Variants in APBB2 observed in about 807,000 individuals in gnomAD.
APBB2 encodes Fe65-like 1.
A neutral mutation model predicts 82.5 loss-of-function variants in APBB2; 38 were observed. That is an observed-to-expected ratio of 0.46 (90% CI 0.36 to 0.60). APBB2 has a LOEUF of 0.60. Among genes scored for constraint, APBB2 ranks in the 20% least tolerant of loss-of-function variants. The pLI, the probability that APBB2 is intolerant of heterozygous loss-of-function variation, is 0.00. For synonymous variants in APBB2, 341 were observed against 368.2 expected (o/e 0.93, Z 0.85); for missense variants, 772 against 972.3 (o/e 0.79, Z 2.74).
intron 2 of APBB2, among the ~76,000 whole-genome samples, chr4:41,132,817 T>C (rs1756438076): frequency 6.6e-6 from 1 of 152,082 alleles, no homozygotes; most frequent in Non-Finnish European, 1.5e-5. Flanking sequence ...AAATGAACAT[T>C]AGAAAAAAAT....
intron 12 of APBB2, among the ~76,000 whole-genome samples, chr4:40,846,454 G>A (rs182741216): frequency 7.9e-5 from 12 of 151,796 alleles, no homozygotes; most frequent in South Asian, 4.2e-4. Context: ...TCTACATGCC[G>A]CAGGTGAAAG....
Position 40,811,826 on chromosome 4 carries a change from T to TA in APBB2, c.*4265dup, listed in dbSNP as rs1744479525. On this transcript the variant is annotated 3_prime_UTR_variant, in exon 18 of 18. Transcript: ENST00000508593. Reference sequence around the variant, plus strand: ...GCAAGATGAACAAAAAGCGGGGACATACTTTAAATTCTGTTTATCTGCCTT... The same window carrying TA: ...GCAAGATGAACAAAAAGCGGGGACATAACTTTAAATTCTGTTTATCTGCCTT... The TA allele has an allele frequency of 6.6e-6, 1 of 152,202 alleles. No individual in the cohort carries two copies. The highest frequency in any genetic ancestry group is 1.5e-5 in the Non-Finnish European group (1 of 68,030). The allele number at this position is 152,202 out of a possible 1,614,324, so 9.4% of individuals were successfully genotyped here. A position where few individuals can be genotyped will look rare whatever the true frequency, so the allele number is the denominator to read the frequency against.
At chr4:41,140,165 A>G (rs184215849) in intron 2 of APBB2, among the ~76,000 whole-genome samples, 1 of 152,376 alleles carries the variant, frequency 6.6e-6, no homozygotes, top group Admixed American at 6.5e-5. Flanking sequence ...TGAGAACAGC[A>G]GCTGTTACCT....
At chr4:40,952,118 G>A (rs540873181) in intron 6 of APBB2, among the ~76,000 whole-genome samples, 37 of 151,264 alleles carry the variant, frequency 2.4e-4, no homozygotes, top group African/African-American at 9.0e-4. Flanking sequence ...CCCAGGAGGT[G>A]GAGGTTGCAG....
intron 10 of APBB2, among the ~76,000 whole-genome samples, chr4:40,911,088 CGACA>C (rs538373443): frequency 4.6e-5 from 7 of 152,248 alleles, no homozygotes; most frequent in Non-Finnish European, 8.8e-5. Context: ...AACATGGAAA[CGACA>C]GACATAGGGT....
intron 4 of APBB2, among the ~76,000 whole-genome samples, chr4:41,059,068 T>C (rs1322160146): frequency 1.3e-5 from 2 of 151,664 alleles, no homozygotes; most frequent in East Asian, 3.9e-4. Context: ...AAGGGTCATA[T>C]CTCACCAACA....
intron 1 of APBB2, among the ~76,000 whole-genome samples, chr4:41,181,977 A>G (rs557101519): frequency 1.3e-5 from 2 of 152,078 alleles, no homozygotes; most frequent in South Asian, 4.2e-4. Flanking sequence ...AGAAAAAAGA[A>G]AGGGACTACC....
chr4:40,982,283 AAGG>A (rs1280578247), intron 6 of APBB2, among the ~76,000 whole-genome samples: 1 of 29,474 alleles, frequency 3.4e-5, no homozygotes, highest in African/African-American at 2.0e-4. Flanking sequence ...AGAAAGAAAG[AAGG>A]AAGGAAGGAA....
rs929599565 is a variant in APBB2 at position 40,810,878 on chromosome 4, T to TAAAG, written c.*5210_*5213dup. 1.1e-4 allele frequency: 16 copies of TAAAG among 152,210 alleles called. No individual in the cohort carries two copies. Among genetic ancestry groups the TAAAG allele is most frequent in the African/African-American group, 3.6e-4 (15 of 41,450 alleles). 9.4% of individuals were successfully genotyped at this position (152,210 alleles called of 1,614,324 possible). A position where few individuals can be genotyped will look rare whatever the true frequency, so the allele number is the denominator to read the frequency against. Reference sequence around the variant, plus strand: ...CAGCTTAATTTAACATATTGTTCAGTAAAGAATCCCATTGTGTATCATAAG... The same window carrying TAAAG: ...CAGCTTAATTTAACATATTGTTCAGTAAAGAAAGAATCCCATTGTGTATCATAAG... On this transcript the variant is annotated 3_prime_UTR_variant, in exon 18 of 18. Transcript: ENST00000508593.
Position 40,993,361 on chromosome 4 carries a change from C to CTTTT in APBB2, c.835+20218_835+20221dup, listed in dbSNP as rs34787320. 1.3e-3 allele frequency among the ~76,000 whole-genome samples: 149 copies of CTTTT among 114,612 alleles called. 1 individual carries two copies. Among genetic ancestry groups the CTTTT allele is most frequent in the African/African-American group, 4.8e-3 (137 of 28,472 alleles). The allele number at this position is 114,612 out of a possible 152,430, so 75.2% of individuals were successfully genotyped here. ...CAGGAGCAATTAAGAACTCTTCTCT[C>CTTTT]TTTTTTTTTTTTTTTTTTTTTTTTA... On this transcript the variant is annotated intron_variant, in intron 6 of 17. Coordinates refer to ENST00000508593, the MANE Select transcript of APBB2 (RefSeq NM_004307.2).
intron 13 of APBB2, 34 bp downstream of exon 13, chr4:40,830,429 G>C (rs1168278590): frequency 1.4e-6 from 2 of 1,457,582 alleles, no homozygotes. Context: ...GAAAAAAAGA[G>C]AGAGGCGGCC....
chr4:41,116,396 TG>T (rs1423889382), intron 2 of APBB2, among the ~76,000 whole-genome samples: 3 of 152,120 alleles, frequency 2.0e-5, no homozygotes, highest in Non-Finnish European at 2.9e-5. Flanking sequence ...CAAGCCAACA[TG>T]GCAAGTGTAT....
intron 4 of APBB2, among the ~76,000 whole-genome samples, chr4:41,037,536 C>G (rs1008642799): frequency 3.3e-5 from 5 of 152,090 alleles, no homozygotes; most frequent in South Asian, 2.1e-4. Flanking sequence ...TGCAGAATAA[C>G]ACAATCTTTG....
intron 4 of APBB2, among the ~76,000 whole-genome samples, chr4:41,058,621 C>T (rs1728652372): frequency 6.6e-6 from 1 of 152,184 alleles, no homozygotes; most frequent in East Asian, 1.9e-4. Flanking sequence ...TAAGACTATG[C>T]TACACTACAA....
intron 1 of APBB2, among the ~76,000 whole-genome samples, chr4:41,157,330 A>T (rs1253312446): frequency 6.6e-6 from 1 of 152,146 alleles, no homozygotes; most frequent in African/African-American, 2.4e-5. Context: ...CCTGCATGAA[A>T]GCCCCCTTCA....
At chr4:41,195,738 G>C in intron 1 of APBB2, among the ~76,000 whole-genome samples, 1 of 148,760 alleles carries the variant, frequency 6.7e-6, no homozygotes, top group East Asian at 2.0e-4. Flanking sequence ...TGACTCCTCT[G>C]CTCCTCCTCC....
intron 7 of APBB2, among the ~76,000 whole-genome samples, chr4:40,941,055 T>C (rs1321046550): frequency 1.3e-5 from 2 of 152,190 alleles, no homozygotes; most frequent in African/African-American, 4.8e-5. Flanking sequence ...GAATGTGAAA[T>C]GTAAAATTTT....
intron 3 of APBB2, among the ~76,000 whole-genome samples, chr4:41,075,395 G>C (rs1031454448): frequency 1.3e-5 from 2 of 152,190 alleles, no homozygotes; most frequent in Non-Finnish European, 2.9e-5. Context: ...TGATTCTGCT[G>C]TGGTGTTTAC....
intron 6 of APBB2, among the ~76,000 whole-genome samples, chr4:40,971,861 T>C (rs1284047624): frequency 6.6e-6 from 1 of 152,246 alleles, no homozygotes; most frequent in African/African-American, 2.4e-5. Flanking sequence ...CATTGACTTA[T>C]TAATAGGTAT....
Sources: allele counts gnomAD v4.1 joint callset (sites outside exome capture counted in the v4.1 genomes callset), GRCh38; gene constraint gnomAD v4.1.1; transcripts MANE v1.5; gene names NCBI Gene and HGNC (gene_info 2026-07-23, HGNC 2026-07-21).